The following LOX variants were observed in gnomAD, a reference collection of about 807,000 sequenced individuals.
The protein encoded by LOX is protein-lysine 6-oxidase.
LOX carries 12 observed loss-of-function variants against 50.5 expected under a neutral mutation model. The ratio of observed to expected loss-of-function variants is 0.24; its 90% CI spans 0.15 to 0.38. The LOEUF (loss-of-function observed/expected upper bound fraction) is 0.38, where lower values mean the gene tolerates loss of function less well. LOX is among the 10% of genes least tolerant of loss of function. The probability of loss-of-function intolerance (pLI) is 1.00; values close to 1 mark genes in which losing one functional copy is unlikely to be tolerated. For synonymous variants in LOX, 254 were observed against 230.6 expected, an observed-to-expected ratio of 1.10 and a Z score of -0.92; for missense variants, 504 against 563.8, an observed-to-expected ratio of 0.89 and a Z score of 1.07.
At chr5:122,076,550 A>T (rs1370793583) in intron 2 of LOX, among the ~76,000 whole-genome samples, 1 of 152,122 alleles carries the variant, frequency 6.6e-6, no homozygotes, top group African/African-American at 2.4e-5. Context: ...ATTACAATAA[A>T]TTTTTTGAAT....
intron 5 of LOX, 46 bp from the exon 6 acceptor site, chr5:122,070,214 T>C (rs1754410841): frequency 9.4e-7 from 1 of 1,061,836 alleles, no homozygotes; most frequent in African/African-American, 1.6e-5. Flanking sequence ...TCCATAGGGC[T>C]ACAATAAGGA....
intron 5 of LOX, 41 bp downstream of exon 5, chr5:122,070,453 T>A (rs1412678462): frequency 9.0e-7 from 1 of 1,107,538 alleles, no homozygotes; most frequent in Non-Finnish European, 1.4e-6. Flanking sequence ...GGCCTATTGA[T>A]CTGCAATATC....
chr5:122,071,823 G>A (rs1031077162), intron 4 of LOX, among the ~76,000 whole-genome samples: 3 of 152,128 alleles, frequency 2.0e-5, no homozygotes, highest in Non-Finnish European at 4.4e-5. Context: ...CTCTACCAAT[G>A]CTGGTTTAGC....
intron 4 of LOX, among the ~76,000 whole-genome samples, chr5:122,072,770 T>C (rs945644803): frequency 2.6e-5 from 4 of 152,096 alleles, no homozygotes; most frequent in Admixed American, 2.6e-4. Context: ...CCATATAAAA[T>C]GAAATGGGGT....
Position 122,063,735 on chromosome 5 carries a change from A to G in LOX, c.*3008T>C, listed in dbSNP as rs1392895635. 1 of 151,980 alleles carries G rather than the reference A, an allele frequency of 6.6e-6. No homozygotes were observed. Among genetic ancestry groups the G allele is most frequent in the Non-Finnish European group, 1.5e-5 (1 of 67,902 alleles). The allele number at this position is 151,980 out of a possible 1,614,324, so 9.4% of individuals were successfully genotyped here. A position where few individuals can be genotyped will look rare whatever the true frequency, so the allele number is the denominator to read the frequency against. ...TTTTAAAACAAAATATCTCCTTACC[A>G]GGAATTCAGTATTTTCATGCAATCT... On this transcript the variant is annotated 3_prime_UTR_variant, in exon 7 of 7. Coordinates refer to ENST00000231004, the MANE Select transcript of LOX (RefSeq NM_002317.7).
Position 122,077,751 on chromosome 5 carries a change from C to A in LOX, c.235G>T (p.Ala79Ser). The A allele has an allele frequency of 6.4e-7, 1 of 1,562,550 alleles. No individual in the cohort carries two copies. The highest frequency in any genetic ancestry group is 8.6e-7 in the Non-Finnish European group (1 of 1,158,838). Residue 79 changes from alanine (A) to serine (S), a missense_variant, in exon 1 of 7, where the codon GCA becomes TCA. Around this residue, in one of 2 missense-constraint regions of LOX, gnomAD observed 398 missense variants for 365.8 expected, o/e 1.09. Coordinates refer to ENST00000231004, the MANE Select transcript of LOX (RefSeq NM_002317.7). The surrounding 1 kb of genome is among the most constrained non-coding windows in gnomAD (Gnocchi z 4.9). ...RRDPGAAVPG[A>S]ANASAQQPRT... ...GGCTGCTGGGCGGAGGCGTTGGCTG[C>A]ACCAGGGACGGCGGCGCCCGGGTCC...
Position 122,075,398 on chromosome 5 carries a change from A to C in LOX, c.878+6T>G. 6.2e-7 allele frequency: 1 copy of C among 1,600,458 alleles called. No individual in the cohort carries two copies. The highest frequency in any genetic ancestry group is 8.5e-7 in the Non-Finnish European group (1 of 1,175,820). On this transcript the variant is annotated splice_donor_region_variant and intron_variant, in intron 3 of 6. Transcript: ENST00000231004. ...CCAAAAGTACCCAGGAGGCCCATTT[A>C]CTTACTGATGACAACTGTGCCATTC...
rs552585847 is a variant in LOX, at chr5:122,076,874, C to G, written c.740+19G>C. On this transcript the variant is annotated intron_variant, in intron 2 of 6. Transcript: ENST00000231004. ...GAAGGTAGACCGGGGAGCGGGGCCT[C>G]AGACATATCAGCCCGTACCTGGCCA... is the stretch of plus-strand genomic sequence containing the variant. The G allele has an allele frequency of 1.2e-5, 19 of 1,611,252 alleles. No individual in the cohort carries two copies. The highest frequency in any genetic ancestry group is 1.5e-5 in the Non-Finnish European group (18 of 1,177,680).
intron 4 of LOX, 150 bp downstream of exon 4, chr5:122,073,863 A>T: frequency 3.0e-6 from 2 of 671,420 alleles, no homozygotes; most frequent in Non-Finnish European, 5.1e-6. Flanking sequence ...CATGGGGTAT[A>T]TCATCTACAG....
intron 4 of LOX, among the ~76,000 whole-genome samples, chr5:122,071,945 T>C (rs1020527791): frequency 2.6e-5 from 4 of 152,312 alleles, no homozygotes; most frequent in Non-Finnish European, 5.9e-5. Context: ...ACTCATATTC[T>C]GTTGTTATTA....
chr5:122,070,183 G>C lies in LOX; in HGVS notation c.1132-15C>G, dbSNP rs371936498. ...TTTACACTGACCTGGGCAACACAAA[G>C]AGTTCCTCAGTATTTCTTTTTCCAT... On this transcript the variant is annotated splice_polypyrimidine_tract_variant and intron_variant, in intron 5 of 6. Transcript: ENST00000231004. 3 of 1,359,930 alleles carry C rather than the reference G, an allele frequency of 2.2e-6. No homozygotes were observed. The East Asian group carries it at 6.9e-5, about 31-fold the overall frequency. 84.2% of individuals were successfully genotyped at this position (1,359,930 alleles called of 1,614,324 possible). A position where few individuals can be genotyped will look rare whatever the true frequency, so the allele number is the denominator to read the frequency against.
chr5:122,077,236 T>TG lies in LOX; in HGVS notation c.631+118dup. 1 of 1,511,818 alleles carries TG rather than the reference T, an allele frequency of 6.6e-7. No individual in the cohort carries two copies. Among genetic ancestry groups the TG allele is most frequent in the Non-Finnish European group, 8.8e-7 (1 of 1,131,530 alleles). The allele number at this position is 1,511,818 out of a possible 1,614,324, so 93.7% of individuals were successfully genotyped here. On this transcript the variant is annotated intron_variant, in intron 1 of 6. Coordinates refer to ENST00000231004, the MANE Select transcript of LOX (RefSeq NM_002317.7). This position sits in a 1 kb window ranked among gnomAD's most constrained non-coding sequence, Gnocchi z 4.9. The stretch of plus-strand genomic sequence containing the variant: ...TTCCAGGGCTGCCACTGCAGGCGCG[T>TG]GGGGGAGGGATCGGATCTGCGAGGA...
At position 122,077,699 on chromosome 5, in the gene LOX, T is replaced by C; in HGVS notation, c.287A>G (p.Asp96Gly). The C allele has an allele frequency of 6.3e-7, 1 of 1,596,146 alleles. No individual in the cohort carries two copies. Among genetic ancestry groups the C allele is most frequent in the Non-Finnish European group, 8.5e-7 (1 of 1,174,132 alleles). Residue 96 changes from aspartate to glycine, a missense_variant, in exon 1 of 7, where the codon GAC becomes GGC. Around this residue, in one of 2 missense-constraint regions of LOX, gnomAD observed 398 missense variants for 365.8 expected, o/e 1.09. Coordinates refer to ENST00000231004, the MANE Select transcript of LOX (RefSeq NM_002317.7). This position sits in a 1 kb window ranked among gnomAD's most constrained non-coding sequence, Gnocchi z 4.9. ...QPRTPILLIRDNRTAAARTRT... is the reference protein window; with the variant it reads ...QPRTPILLIRGNRTAAARTRT... ...CGTTCGCGCCGCGGCGGTGCGGTTG[T>C]CGCGGATCAGCAGGATCGGAGTGCG... is the stretch of plus-strand genomic sequence containing the variant.
chr5:122,072,145 G>T (rs1580561737), intron 4 of LOX, among the ~76,000 whole-genome samples: 1 of 152,120 alleles, frequency 6.6e-6, no homozygotes, highest in South Asian at 2.1e-4. Flanking sequence ...CACTGGATTA[G>T]ATATTCATTT....
rs1273524022 is a variant in LOX, at chr5:122,066,612, C to T, written c.*131G>A. ...TATGTGCTTTGTTATTGAAAACAGT[C>T]CAAACAAAAATTCTTTTGTTGTTTT... On this transcript the variant is annotated 3_prime_UTR_variant, in exon 7 of 7. Transcript: ENST00000231004. The T allele has an allele frequency of 1.4e-6, 1 of 717,964 alleles. No individual in the cohort carries two copies. Among genetic ancestry groups the T allele is most frequent in the Admixed American group, 2.4e-5 (1 of 42,096 alleles). The allele number at this position is 717,964 out of a possible 1,614,324, so 44.5% of individuals were successfully genotyped here.
Position 122,070,432 on chromosome 5 carries a change from C to G in LOX, c.1131+62G>C, listed in dbSNP as rs1419032930. The G allele has an allele frequency of 3.4e-6, 3 of 874,202 alleles. No homozygotes were observed. In the African/African-American group the frequency reaches 5.1e-5, roughly 15 times the overall value. 54.2% of individuals were successfully genotyped at this position (874,202 alleles called of 1,614,324 possible). ...TACCATGATTATTTAACATTTGAATCCAGAGAAGAGGGCCTATTGATCTGC... is the reference window on the plus strand; with the variant it reads ...TACCATGATTATTTAACATTTGAATGCAGAGAAGAGGGCCTATTGATCTGC... On this transcript the variant is annotated intron_variant, in intron 5 of 6. Coordinates refer to ENST00000231004, the MANE Select transcript of LOX (RefSeq NM_002317.7).
At chr5:122,073,296 C>A (rs1754507784) in intron 4 of LOX, among the ~76,000 whole-genome samples, 1 of 152,160 alleles carries the variant, frequency 6.6e-6, no homozygotes, top group Admixed American at 6.5e-5. Context: ...ATAAAACATG[C>A]AAACTGCTTA....
At chr5:122,076,855 A>G (rs1754651905) in intron 2 of LOX, 38 bp downstream of exon 2, 1 of 1,582,262 alleles carries the variant, frequency 6.3e-7, no homozygotes, top group Middle Eastern at 1.7e-4. Context: ...CCCTGAAGGT[A>G]GACCGGGGAG....
chr5:122,074,282 G>A, intron 3 of LOX, 113 bp from the exon 4 acceptor site: 2 of 835,148 alleles, frequency 2.4e-6, no homozygotes, highest in Non-Finnish European at 3.7e-6. Flanking sequence ...TTAAAATTGA[G>A]ACCAAATTTA....
Sources: allele counts gnomAD v4.1 joint callset (sites outside exome capture counted in the v4.1 genomes callset), GRCh38; gene constraint gnomAD v4.1.1; regional missense constraint gnomAD v4.1.1; non-coding constraint Gnocchi (gnomAD v3.1); transcripts MANE v1.5; gene names NCBI Gene and HGNC (gene_info 2026-07-23, HGNC 2026-07-21).